Variants in MID1 observed in about 807,000 individuals in gnomAD.
The protein encoded by MID1 is E3 ubiquitin-protein ligase Midline-1.
Under a neutral mutation model 40.4 loss-of-function variants are expected in MID1, and 7 were observed. The observed-to-expected ratio is 0.17, with a 90% CI of 0.10 to 0.33. The LOEUF is 0.33. MID1 is among the 10% of genes least tolerant of loss of function. The pLI is 1.00. For synonymous variants in MID1, 229 were observed against 221.2 expected (o/e 1.04, Z -0.31); for missense variants, 367 against 558.5 (o/e 0.66, Z 3.46).
At chrX:10,561,820 C>T (rs956370870) in intron 2 of MID1, among the ~76,000 whole-genome samples, 5 of 106,971 alleles carry the variant, frequency 4.7e-5, no homozygotes, top group African/African-American at 1.5e-4. Context: ...GGCAATTCCT[C>T]AAAAATCTAG....
intron 2 of MID1, among the ~76,000 whole-genome samples, chrX:10,548,023 C>T (rs1933764391): frequency 8.9e-6 from 1 of 111,900 alleles, no homozygotes; most frequent in Non-Finnish European, 1.9e-5. Flanking sequence ...AGTTGTAAGG[C>T]CATGATCACA....
chrX:10,472,640 G>A (rs764664374), intron 6 of MID1, among the ~76,000 whole-genome samples: 7 of 112,036 alleles, frequency 6.2e-5, no homozygotes, highest in Non-Finnish European at 1.1e-4. Flanking sequence ...TTTGCTAGGC[G>A]GGTCTTCTGA....
chrX:10,486,557 A>C (rs1213643200), intron 4 of MID1, among the ~76,000 whole-genome samples: 1 of 111,696 alleles, frequency 9.0e-6, no homozygotes, highest in Non-Finnish European at 1.9e-5. Context: ...TGCCCTGGCT[A>C]GGGACTTGAG....
At chrX:10,687,025 G>A (rs772244406) in intron 1 of MID1, among the ~76,000 whole-genome samples, 248 of 111,321 alleles carry the variant, frequency 2.2e-3, no homozygotes, top group African/African-American at 7.8e-3. Context: ...TCTTGGCAGT[G>A]CATCTTTGTG....
At chrX:10,638,396 C>A (rs758831219) in intron 1 of MID1, among the ~76,000 whole-genome samples, 9 of 112,162 alleles carry the variant, frequency 8.0e-5, no homozygotes, top group Non-Finnish European at 1.7e-4. Context: ...ACCCACAGAG[C>A]CTGGCTCACT....
In MID1 at chrX:10,447,250, ACTT is replaced by A. The variant is rs1405928710; in HGVS notation, c.*2115_*2117del. ...GCTTACTGTGAAAATTTGAGTAGTA[ACTT>A]CTTAATATTGAAAAACATTATTTTC... On this transcript the variant is annotated 3_prime_UTR_variant, in exon 10 of 10. Transcript: ENST00000317552. 2 of 111,856 alleles carry A rather than the reference ACTT, an allele frequency of 1.8e-5. No individual in the cohort carries two copies. The highest frequency in any genetic ancestry group is 3.2e-5 in the African/African-American group (1 of 30,787). 9.2% of individuals were successfully genotyped at this position (111,856 alleles called of 1,213,427 possible).
At chrX:10,661,871 G>T (rs1024669363) in intron 1 of MID1, among the ~76,000 whole-genome samples, 3 of 111,795 alleles carry the variant, frequency 2.7e-5, no homozygotes, top group Non-Finnish European at 3.8e-5. Context: ...AAAAGAATTT[G>T]TAAACAGTTA....
At chrX:10,644,397 A>G (rs1036434330) in intron 1 of MID1, among the ~76,000 whole-genome samples, 2 of 109,738 alleles carry the variant, frequency 1.8e-5, no homozygotes, top group Non-Finnish European at 3.8e-5. Context: ...CCATCTCCCT[A>G]TTTTATCCGT....
At chrX:10,527,479 T>C (rs1349083004) in intron 2 of MID1, among the ~76,000 whole-genome samples, 1 of 112,069 alleles carries the variant, frequency 8.9e-6, no homozygotes, top group East Asian at 2.8e-4. Context: ...GAATGTCTGT[T>C]GAAATTATGA....
chrX:10,546,803 A>C (rs1397924832), intron 2 of MID1, among the ~76,000 whole-genome samples: 1 of 112,095 alleles, frequency 8.9e-6, no homozygotes, highest in African/African-American at 3.2e-5. Flanking sequence ...ACTAGGGTGG[A>C]GTGAGCAAAC....
At chrX:10,603,815 G>A (rs1383988095) in intron 1 of MID1, among the ~76,000 whole-genome samples, 3 of 111,731 alleles carry the variant, frequency 2.7e-5, no homozygotes, top group South Asian at 3.8e-4. Flanking sequence ...TGTTGTGCTA[G>A]CATTCCTGGG....
intron 1 of MID1, among the ~76,000 whole-genome samples, chrX:10,658,894 C>T (rs898566868): frequency 2.7e-5 from 3 of 111,906 alleles, no homozygotes; most frequent in African/African-American, 9.7e-5. Flanking sequence ...TCACTTTGCA[C>T]CCACACACAA....
chrX:10,489,188 G>A (rs1399942432), intron 4 of MID1, among the ~76,000 whole-genome samples: 1 of 111,457 alleles, frequency 9.0e-6, no homozygotes, highest in Non-Finnish European at 1.9e-5. Context: ...TTTGTGGTTG[G>A]TCTTTTCAGT....
intron 1 of MID1, among the ~76,000 whole-genome samples, chrX:10,793,522 C>A (rs1262649706): frequency 8.9e-6 from 1 of 112,132 alleles, no homozygotes; most frequent in Non-Finnish European, 1.9e-5. Flanking sequence ...CGATTTCAGC[C>A]ATAGCCTCCC....
intron 8 of MID1, among the ~76,000 whole-genome samples, chrX:10,458,856 C>T (rs759965770): frequency 4.5e-5 from 5 of 111,589 alleles, no homozygotes; most frequent in South Asian, 7.6e-4. Flanking sequence ...CACAACATGG[C>T]GCCATACCGA....
intron 1 of MID1, among the ~76,000 whole-genome samples, chrX:10,748,558 TTTA>T (rs1459354216): frequency 8.9e-6 from 1 of 111,774 alleles, no homozygotes; most frequent in Admixed American, 9.5e-5. Context: ...ACCTGAGAAA[TTTA>T]TTGTTATGAA....
At chrX:10,775,121 G>A (rs1183233331) in intron 1 of MID1, among the ~76,000 whole-genome samples, 1 of 103,738 alleles carries the variant, frequency 9.6e-6, no homozygotes, top group East Asian at 3.1e-4. Context: ...AGGGATAAAG[G>A]AGGGGCGAGG....
chrX:10,782,775 G>T (rs1385741512), intron 1 of MID1, among the ~76,000 whole-genome samples: 1 of 111,709 alleles, frequency 9.0e-6, no homozygotes, highest in Admixed American at 9.5e-5. Context: ...AAAAATATAT[G>T]TATCAGTATA....
chrX:10,718,436 A>G (rs2043322095), intron 1 of MID1, among the ~76,000 whole-genome samples: 1 of 112,344 alleles, frequency 8.9e-6, no homozygotes, highest in African/African-American at 3.2e-5. Context: ...CAAATAAACT[A>G]GAAAATCCGG....
Sources: gnomAD v4.1 joint callset for allele counts (sites outside exome capture counted in the v4.1 genomes callset) on GRCh38, gnomAD v4.1.1 for gene constraint, MANE v1.5 for transcripts, NCBI Gene and HGNC (gene_info 2026-07-23, HGNC 2026-07-21) for gene names.